ADCYAP1: variants seen among roughly 807,000 people sequenced by gnomAD.
ADCYAP1 encodes the protein pituitary adenylate cyclase-activating polypeptide.
A neutral mutation model predicts 18.5 loss-of-function variants in ADCYAP1; 6 were observed. That is an observed-to-expected ratio of 0.32 (90% CI 0.18 to 0.64). ADCYAP1 has a LOEUF of 0.64. Ranked by LOEUF, ADCYAP1 falls within the 30% of genes least tolerant of loss-of-function variation. The pLI, the probability that ADCYAP1 is intolerant of heterozygous loss-of-function variation, is 0.77. For synonymous variants in ADCYAP1, 136 were observed against 113.9 expected (o/e 1.19, Z -1.24); for missense variants, 314 against 253.6 (o/e 1.24, Z -1.62).
chr18:908,237 C>T, intron 3 of ADCYAP1, 28 bp from the exon 4 acceptor site: 1 of 1,592,864 alleles, frequency 6.3e-7, no homozygotes, highest in Non-Finnish European at 8.6e-7. Context: ...AACAGTGACC[C>T]TGGGCGCGCA....
intron 2 of ADCYAP1, 182 bp downstream of exon 2, chr18:905,678 GCTCCGCGACTGCTCGGACGC>G: frequency 1.4e-6 from 1 of 729,246 alleles, no homozygotes; most frequent in Non-Finnish European, 2.2e-6. Flanking sequence ...GGTCTGGCAG[GCTCCGCGACTGCTCGGACGC>G]CTCCCCCAGC....
At chr18:908,765 G>T (rs928979) in intron 4 of ADCYAP1, among the ~76,000 whole-genome samples, 85,977 of 151,900 alleles carry the variant, frequency 0.57, 24,972 homozygotes, top group South Asian at 0.67. Context: ...ATGGCCAAAT[G>T]TGGACACTTA....
At chr18:909,391 G>A (rs1909298880) in intron 4 of ADCYAP1, 55 bp from the exon 5 acceptor site, 3 of 1,552,486 alleles carry the variant, frequency 1.9e-6, no homozygotes, top group East Asian at 2.3e-5. Context: ...TCCCCGCGGC[G>A]ATTGAACCTG....
rs920113054 is a variant in ADCYAP1 at position 910,510 on chromosome 18, C to G, written c.*875C>G. 6.6e-6 allele frequency: 1 copy of G among 152,136 alleles called. No individual in the cohort carries two copies. The highest frequency in any genetic ancestry group is 2.4e-5 in the African/African-American group (1 of 41,404). The allele number at this position is 152,136 out of a possible 1,614,324, so 9.4% of individuals were successfully genotyped here. On this transcript the variant is annotated 3_prime_UTR_variant, in exon 5 of 5. Coordinates refer to ENST00000450565, the MANE Select transcript of ADCYAP1 (RefSeq NM_001099733.2). ...TATCCCCAAATTAGGGCAATTGGAA[C>G]AAAGTGAAGGACATAGAGGTATATT...
In ADCYAP1 at chr18:905,528, C is replaced by T. The variant is rs776807884; in HGVS notation, c.110+32C>T. The T allele has an allele frequency of 1.4e-5, 22 of 1,601,160 alleles. No individual in the cohort carries two copies. The Admixed American group carries it at 2.8e-4, about 21-fold the overall frequency. ...GCTGGCTGCCTGGCCCAAGCAGGAG[C>T]TGGGGCTTCCCAGGCACAGACGCTT... On this transcript the variant is annotated intron_variant, in intron 2 of 4. Transcript: ENST00000450565.
intron 4 of ADCYAP1, among the ~76,000 whole-genome samples, chr18:908,869 C>A (rs1225830581): frequency 1.3e-5 from 2 of 152,132 alleles, no homozygotes; most frequent in Non-Finnish European, 2.9e-5. Context: ...TAATAAAGCC[C>A]GTGGGAAAAC....
At chr18:904,584 G>A (rs776348391), upstream of ADCYAP1, 1 of 1,286,796 alleles carries the variant, frequency 7.8e-7, no homozygotes, top group Non-Finnish European at 1.0e-6. Context: ...CAGCCGGAGA[G>A]ACCTCGGAGC....
intron 2 of ADCYAP1, among the ~76,000 whole-genome samples, chr18:907,041 G>T (rs182495721): frequency 6.6e-6 from 1 of 152,252 alleles, no homozygotes; most frequent in South Asian, 2.1e-4. Flanking sequence ...AGCCGCCGCC[G>T]AACTGGCTAA....
chr18:906,837 C>T (rs1598983341), intron 2 of ADCYAP1, among the ~76,000 whole-genome samples: 1 of 152,360 alleles, frequency 6.6e-6, no homozygotes, highest in East Asian at 1.9e-4. Flanking sequence ...GCCAGGCACT[C>T]GCTGGATCTC....
chr18:905,530 G>A (rs370963358), intron 2 of ADCYAP1, 34 bp downstream of exon 2: 8 of 1,599,956 alleles, frequency 5.0e-6, no homozygotes, highest in Non-Finnish European at 5.9e-6. Flanking sequence ...AGCAGGAGCT[G>A]GGGCTTCCCA....
chr18:907,660 C>G lies in ADCYAP1; in HGVS notation c.112C>G (p.Pro38Ala). The part of the protein sequence containing the change: ...AAGLRFPGIR[P>A]EEEAYGEDGN... ...CTTCTGTCCCCGGCCACCCCGCAGG[C>G]CAGAGGAAGAGGCGTACGGCGAGGA... Residue 38 changes from proline to alanine, a missense_variant and splice_region_variant, in exon 3 of 5, where the codon CCA becomes GCA. By Grantham distance (27) the Pro-to-Ala change is conservative. Transcript: ENST00000450565. 1 of 1,582,352 alleles carries G rather than the reference C, an allele frequency of 6.3e-7. No individual in the cohort carries two copies. Among genetic ancestry groups the G allele is most frequent in the Non-Finnish European group, 8.5e-7 (1 of 1,172,332 alleles).
chr18:908,322 C>G lies in ADCYAP1; in HGVS notation c.300C>G (p.Ser100=). The part of the protein sequence containing the change: ...EAYRKVLDQL[S]AGKHLQSLVA... ...ACCGCAAAGTGCTGGACCAGCTGTC[C>G]GCCGGGAAGCACCTGCAGTCGCTCG... Residue 100 remains serine (S), a synonymous_variant, in exon 4 of 5, where the codon TCC becomes TCG. Transcript: ENST00000450565. 6.2e-7 allele frequency: 1 copy of G among 1,613,404 alleles called. No individual in the cohort carries two copies. The highest frequency in any genetic ancestry group is 1.3e-5 in the African/African-American group (1 of 75,034).
rs752090490 is a variant in ADCYAP1, at chr18:907,675, T to A, written c.127T>A (p.Tyr43Asn). The change falls in exon 3 of 5, where the codon TAC becomes AAC. Residue 43 changes from tyrosine to asparagine, a missense_variant. By Grantham distance (143) the Tyr-to-Asn change is moderately radical. Transcript: ENST00000450565. ...ACCCCGCAGGCCAGAGGAAGAGGCG[T>A]ACGGCGAGGACGGAAACCCGCTGCC... ...FPGIRPEEEA[Y>N]GEDGNPLPDF... 9 of 1,576,788 alleles carry A rather than the reference T, an allele frequency of 5.7e-6. No homozygotes were observed. The highest frequency in any genetic ancestry group is 2.8e-5 in the African/African-American group (2 of 72,694).
At chr18:904,572 G>C, upstream of ADCYAP1, 1 of 1,288,200 alleles carries the variant, frequency 7.8e-7, no homozygotes, top group Middle Eastern at 2.2e-4. Flanking sequence ...CAGCTTCAGA[G>C]GCAGCCGGAG....
chr18:909,359 G>T (rs746977394), intron 4 of ADCYAP1, 87 bp from the exon 5 acceptor site: 457 of 1,360,430 alleles, frequency 3.4e-4, no homozygotes, highest in Non-Finnish European at 4.2e-4. Flanking sequence ...GAAGGCTCCC[G>T]CGTGGGGTGG....
chr18:907,919 C>G, intron 3 of ADCYAP1, 129 bp downstream of exon 3: 1 of 1,359,736 alleles, frequency 7.4e-7, no homozygotes, highest in Non-Finnish European at 9.5e-7. Flanking sequence ...CCTGTCCTCT[C>G]CCTGGCCCGA....
At position 907,724 on chromosome 18, in the gene ADCYAP1, C is replaced by A. The variant is rs774534318; in HGVS notation, c.176C>A (p.Pro59Gln). The A allele has an allele frequency of 2.6e-6, 4 of 1,535,012 alleles. No homozygotes were observed. Among genetic ancestry groups the A allele is most frequent in the East Asian group, 2.5e-5 (1 of 40,558 alleles). The change falls in exon 3 of 5, where the codon CCG becomes CAG. Residue 59 changes from proline (P) to glutamine (Q), a missense_variant. By Grantham distance (76) the Pro-to-Gln change is moderately conservative. Coordinates refer to ENST00000450565, the MANE Select transcript of ADCYAP1 (RefSeq NM_001099733.2). ...PLPDFDGSEPPGAGSPASAPR... is the reference protein window; with the variant it reads ...PLPDFDGSEPQGAGSPASAPR... ...CCAGACTTCGATGGCTCGGAGCCGC[C>A]GGGCGCAGGGAGCCCCGCCTCCGCG...
chr18:907,970 T>C, intron 3 of ADCYAP1, 180 bp downstream of exon 3: 2 of 1,237,850 alleles, frequency 1.6e-6, no homozygotes, highest in South Asian at 1.7e-5. Context: ...GGCGGGTCTG[T>C]GTGGACCTGA....
At chr18:908,495 G>A in intron 4 of ADCYAP1, 132 bp downstream of exon 4, 1 of 615,874 alleles carries the variant, frequency 1.6e-6, no homozygotes, top group Non-Finnish European at 2.7e-6. Context: ...GTGGGCATCC[G>A]CCACGGGTCG....
Sources: allele counts gnomAD v4.1 joint callset (sites outside exome capture counted in the v4.1 genomes callset), GRCh38; gene constraint gnomAD v4.1.1; transcripts MANE v1.5; gene names NCBI Gene and HGNC (gene_info 2026-07-23, HGNC 2026-07-21).